The following SZRD1 variants were observed in gnomAD, a reference collection of about 807,000 sequenced individuals.
SZRD1 encodes the protein SUZ RNA binding domain containing 1.
SZRD1 carries 7 observed loss-of-function variants against 17.6 expected under a neutral mutation model. That is an observed-to-expected ratio of 0.40 (90% CI 0.23 to 0.75). SZRD1 has a LOEUF of 0.75. SZRD1 is among the 30% of genes least tolerant of loss of function. The pLI is 0.38. For missense variants in SZRD1, 178 were observed against 201.8 expected (o/e 0.88, Z 0.71); for synonymous variants, 77 against 77.9 (o/e 0.99, Z 0.06).
chr1:16,389,410 G>A (rs1440561806), intron 1 of SZRD1, among the ~76,000 whole-genome samples: 5 of 149,220 alleles, frequency 3.4e-5, no homozygotes, highest in African/African-American at 1.0e-4. Context: ...GACTACAGGC[G>A]TCCTGCCTCA....
intron 1 of SZRD1, among the ~76,000 whole-genome samples, chr1:16,368,203 G>A (rs2082855846): frequency 6.6e-6 from 1 of 152,076 alleles, no homozygotes; most frequent in Non-Finnish European, 1.5e-5. Context: ...TGACCCTTGT[G>A]AATATGGGGA....
intron 1 of SZRD1, chr1:16,369,259 A>G (rs1262547081): frequency 1.1e-5 from 7 of 610,138 alleles, no homozygotes; most frequent in African/African-American, 7.5e-5. Context: ...ATTATTCTTC[A>G]TATATGTTTT....
At chr1:16,375,315 A>T (rs973000809) in intron 1 of SZRD1, among the ~76,000 whole-genome samples, 1 of 150,240 alleles carries the variant, frequency 6.7e-6, no homozygotes, top group Non-Finnish European at 1.5e-5. Flanking sequence ...GAGACAGATA[A>T]TTTTTTTTTC....
At chr1:16,367,587 C>A (rs1043105899) in intron 1 of SZRD1, 15 of 499,132 alleles carry the variant, frequency 3.0e-5, no homozygotes, top group African/African-American at 2.8e-4. Context: ...CTTTCCTGAC[C>A]CCCCGCGCCC....
At chr1:16,388,048 G>A (rs892654644) in intron 1 of SZRD1, among the ~76,000 whole-genome samples, 8 of 152,130 alleles carry the variant, frequency 5.3e-5, no homozygotes, top group Non-Finnish European at 1.0e-4. Context: ...GGAGCGAGAG[G>A]TTTCCATTTT....
chr1:16,377,006 T>TTACC (rs911993972), intron 1 of SZRD1, among the ~76,000 whole-genome samples: 113 of 152,230 alleles, frequency 7.4e-4, no homozygotes, highest in African/African-American at 2.7e-3. Context: ...TTGAATGCCT[T>TTACC]TACCGGCTGT....
At chr1:16,385,254 TG>T (rs1369557602) in intron 1 of SZRD1, among the ~76,000 whole-genome samples, 1 of 151,850 alleles carries the variant, frequency 6.6e-6, no homozygotes, top group East Asian at 1.9e-4. Context: ...AGGCACAGAG[TG>T]GGGAGGCCTG....
chr1:16,393,154 G>A lies in SZRD1; in HGVS notation c.102-74G>A, dbSNP rs2085244966. 4 of 1,551,576 alleles carry A rather than the reference G, an allele frequency of 2.6e-6. No individual in the cohort carries two copies. Among genetic ancestry groups the A allele is most frequent in the South Asian group, 1.2e-5 (1 of 84,276 alleles). ...AGGGAGGGAGAGGAAAGTGATGAGA[G>A]GTGGGTGTGGGACATGGACAGGGCC... On this transcript the variant is annotated intron_variant, in intron 2 of 3. Coordinates refer to ENST00000401088, the MANE Select transcript of SZRD1 (RefSeq NM_001114600.3). The surrounding 1 kb of genome is among the most constrained non-coding windows in gnomAD (Gnocchi z 5.6).
In SZRD1 at chr1:16,374,791, G is replaced by A. The variant is rs138876022; in HGVS notation, c.51+7483G>A. ...GTTTCCTAGGAGAAGGTTGAGTTTA[G>A]CTACTTAAATCTGTGGCCAAAGTAT... On this transcript the variant is annotated intron_variant, in intron 1 of 3. Transcript: ENST00000401088. 3.4e-4 allele frequency among the ~76,000 whole-genome samples: 52 copies of A among 152,312 alleles called. No homozygotes were observed. The East Asian group carries it at 4.8e-3, about 14-fold the overall frequency.
At chr1:16,370,415 C>T (rs184021831) in intron 1 of SZRD1, among the ~76,000 whole-genome samples, 105 of 151,802 alleles carry the variant, frequency 6.9e-4, no homozygotes, top group African/African-American at 2.2e-3. Context: ...TTAGTAGAGA[C>T]GGGGTTTCAC....
intron 1 of SZRD1, among the ~76,000 whole-genome samples, chr1:16,377,582 G>T (rs1472772097): frequency 2.4e-5 from 3 of 125,588 alleles, no homozygotes; most frequent in African/African-American, 8.4e-5. Context: ...AAAAAAAAAA[G>T]CAAGAAAGGA....
chr1:16,387,085 G>A (rs955604334), intron 1 of SZRD1: 1 of 319,166 alleles, frequency 3.1e-6, no homozygotes, highest in Non-Finnish European at 6.1e-6. Context: ...GAATGTCTGG[G>A]GAAGAATGTT....
At chr1:16,379,383 G>A (rs1264866795) in intron 1 of SZRD1, among the ~76,000 whole-genome samples, 1 of 152,176 alleles carries the variant, frequency 6.6e-6, no homozygotes, top group Non-Finnish European at 1.5e-5. Flanking sequence ...GATTACAGGC[G>A]TGAGCCACTA....
chr1:16,380,269 G>A (rs2083077349), intron 1 of SZRD1, among the ~76,000 whole-genome samples: 1 of 151,920 alleles, frequency 6.6e-6, no homozygotes. Flanking sequence ...GAGGGCAGGA[G>A]TTTGAGACCA....
chr1:16,383,026 C>T (rs111828970), intron 1 of SZRD1, among the ~76,000 whole-genome samples: 12,747 of 151,406 alleles, frequency 0.084, 705 homozygotes, highest in Non-Finnish European at 0.12. Flanking sequence ...CCACCACGTC[C>T]GGCTAATTTT....
Position 16,391,359 on chromosome 1 carries a change from C to T in SZRD1, c.52-16C>T, listed in dbSNP as rs916905348. ...AGAGATTTTTTCCTCTTTTTATATA[C>T]ATTTTTTTCCTCTAGGAAATAGACA... is the stretch of plus-strand genomic sequence containing the variant. On this transcript the variant is annotated splice_polypyrimidine_tract_variant and intron_variant, in intron 1 of 3. Transcript: ENST00000401088. This position sits in a 1 kb window ranked among gnomAD's most constrained non-coding sequence, Gnocchi z 4.3. 2.0e-6 allele frequency: 3 copies of T among 1,525,794 alleles called. No homozygotes were observed. The highest frequency in any genetic ancestry group is 1.4e-5 in the African/African-American group (1 of 72,154). 94.5% of individuals were successfully genotyped at this position (1,525,794 alleles called of 1,614,324 possible).
At chr1:16,376,539 GT>G (rs2083004790) in intron 1 of SZRD1, among the ~76,000 whole-genome samples, 1 of 151,974 alleles carries the variant, frequency 6.6e-6, no homozygotes, top group Non-Finnish European at 1.5e-5. Context: ...GGCGCATTGG[GT>G]CACGCCTGTA....
chr1:16,371,293 A>G (rs1404589510), intron 1 of SZRD1, among the ~76,000 whole-genome samples: 1 of 149,696 alleles, frequency 6.7e-6, no homozygotes, highest in African/African-American at 2.5e-5. Context: ...GTCTCAGGCA[A>G]TCTCCACCCG....
intron 3 of SZRD1, among the ~76,000 whole-genome samples, chr1:16,394,046 T>C (rs1198400765): frequency 2.6e-5 from 4 of 152,208 alleles, no homozygotes; most frequent in Non-Finnish European, 5.9e-5. Flanking sequence ...TTAACATTTT[T>C]TTCTCTGCAG....
Sources: gnomAD v4.1 joint callset for allele counts (sites outside exome capture counted in the v4.1 genomes callset) on GRCh38, gnomAD v4.1.1 for gene constraint, Gnocchi (gnomAD v3.1) non-coding constraint, MANE v1.5 for transcripts, NCBI Gene and HGNC (gene_info 2026-07-23, HGNC 2026-07-21) for gene names.